The following TBC1D4 variants were observed in gnomAD, a reference collection of about 807,000 sequenced individuals.
TBC1D4 encodes TBC (Tre-2, BUB2, CDC16) domain-containing protein.
TBC1D4 carries 121 observed loss-of-function variants against 142.5 expected under a neutral mutation model. That is an observed-to-expected ratio of 0.85 (90% CI 0.73 to 0.99). TBC1D4 has a LOEUF of 0.99. Among genes scored for constraint, TBC1D4 ranks in the 50% least tolerant of loss-of-function variants. TBC1D4 has a pLI of 0.00. For synonymous variants in TBC1D4, 630 were observed against 628.2 expected (o/e 1.00, Z -0.04); for missense variants, 1,475 against 1,606.6 (o/e 0.92, Z 1.40).
At chr13:75,418,032 A>C (rs2138107060) in intron 1 of TBC1D4, among the ~76,000 whole-genome samples, 1 of 152,362 alleles carries the variant, frequency 6.6e-6, no homozygotes, top group African/African-American at 2.4e-5. Context: ...TGGATATGCT[A>C]ACTATACTTG....
chr13:75,358,008 T>TC (rs1197725652), intron 3 of TBC1D4, among the ~76,000 whole-genome samples: 1 of 151,776 alleles, frequency 6.6e-6, no homozygotes, highest in Non-Finnish European at 1.5e-5. Flanking sequence ...TCTATTTTTT[T>TC]TTCTTTTAGC....
intron 2 of TBC1D4, among the ~76,000 whole-genome samples, chr13:75,360,272 GA>G (rs1231266357): frequency 6.6e-6 from 1 of 152,030 alleles, no homozygotes; most frequent in Non-Finnish European, 1.5e-5. Context: ...TAAAATCTTT[GA>G]AAATAACCCA....
intron 1 of TBC1D4, among the ~76,000 whole-genome samples, chr13:75,408,220 T>C (rs568822787): frequency 1.3e-5 from 2 of 152,376 alleles, no homozygotes; most frequent in African/African-American, 4.8e-5. Context: ...TGTGGTCTTC[T>C]GTGACTGGCC....
intron 1 of TBC1D4, among the ~76,000 whole-genome samples, chr13:75,409,846 G>C (rs1885531504): frequency 6.6e-6 from 1 of 152,252 alleles, no homozygotes. Context: ...TCTAATCTTA[G>C]GATGTTAAGA....
intron 14 of TBC1D4, among the ~76,000 whole-genome samples, chr13:75,309,179 A>G (rs1395159995): frequency 6.6e-6 from 1 of 152,138 alleles, no homozygotes; most frequent in Non-Finnish European, 1.5e-5. Context: ...AAATAATGAA[A>G]TTTATACATT....
chr13:75,409,022 C>CAT (rs1055982085), intron 1 of TBC1D4, among the ~76,000 whole-genome samples: 5 of 128,752 alleles, frequency 3.9e-5, no homozygotes, highest in Non-Finnish European at 6.4e-5. Context: ...TGATTGTGTG[C>CAT]ATATATATAT....
chr13:75,309,405 A>G (rs1877516647), intron 14 of TBC1D4, among the ~76,000 whole-genome samples: 1 of 152,164 alleles, frequency 6.6e-6, no homozygotes, highest in Non-Finnish European at 1.5e-5. Flanking sequence ...TTTATAAAGC[A>G]TTAACAAAAA....
chr13:75,318,652 G>A (rs1481421207), intron 12 of TBC1D4, among the ~76,000 whole-genome samples: 2 of 152,096 alleles, frequency 1.3e-5, no homozygotes, highest in East Asian at 1.9e-4. Context: ...CTGCATACAT[G>A]TCTGTTATCC....
In TBC1D4 at chr13:75,310,087, C is replaced by A; in HGVS notation, c.2448G>T (p.Pro816=). Reference sequence around the variant, plus strand: ...CCTCCCCAGACAGGAATACAACCAGCGGTTCCTCCTCCATGGTTGGAGAGA... The same window carrying A: ...CCTCCCCAGACAGGAATACAACCAGAGGTTCCTCCTCCATGGTTGGAGAGA... ...SPLSPTMEEE[P]LVVFLSGEDD... is the part of the protein sequence containing the mutation. Residue 816 remains proline, a synonymous_variant, in exon 14 of 21, where the codon CCG becomes CCT. Transcript: ENST00000377636. 1 of 1,614,076 alleles carries A rather than the reference C, an allele frequency of 6.2e-7. No individual in the cohort carries two copies. Among genetic ancestry groups the A allele is most frequent in the South Asian group, 1.1e-5 (1 of 91,074 alleles).
intron 1 of TBC1D4, among the ~76,000 whole-genome samples, chr13:75,456,775 G>A (rs1005170959): frequency 6.7e-6 from 1 of 149,476 alleles, no homozygotes; most frequent in Non-Finnish European, 1.5e-5. Context: ...CAAAGACCTA[G>A]CAATTCCTCT....
At chr13:75,354,099 C>G (rs1881838407) in intron 4 of TBC1D4, among the ~76,000 whole-genome samples, 1 of 152,214 alleles carries the variant, frequency 6.6e-6, no homozygotes, top group South Asian at 2.1e-4. Flanking sequence ...TCTTTGTGGT[C>G]TGACCCAGAG....
At chr13:75,447,526 G>GTGTGTGTC (rs1887340945) in intron 1 of TBC1D4, among the ~76,000 whole-genome samples, 1 of 151,530 alleles carries the variant, frequency 6.6e-6, no homozygotes, top group Non-Finnish European at 1.5e-5. Context: ...GTGTGTGTGT[G>GTGTGTGTC]TGTGTGTGTA....
At chr13:75,370,480 C>T (rs1594528) in intron 1 of TBC1D4, among the ~76,000 whole-genome samples, 114,146 of 152,040 alleles carry the variant, frequency 0.75, 42,921 homozygotes, top group South Asian at 0.86. Context: ...CACACAGAAG[C>T]GACAGCAAGG....
chr13:75,307,840 A>T (rs1419917048), intron 14 of TBC1D4, among the ~76,000 whole-genome samples: 2 of 152,148 alleles, frequency 1.3e-5, no homozygotes, highest in Non-Finnish European at 2.9e-5. Flanking sequence ...CTGTTTGGCT[A>T]TTTGCTTTAT....
intron 1 of TBC1D4, among the ~76,000 whole-genome samples, chr13:75,425,930 T>C (rs1484103004): frequency 2.0e-5 from 3 of 152,180 alleles, no homozygotes; most frequent in East Asian, 3.9e-4. Flanking sequence ...ATATATTATA[T>C]ACTCGAAGTC....
At chr13:75,326,972 C>T (rs1186887387) in intron 9 of TBC1D4, among the ~76,000 whole-genome samples, 2 of 152,246 alleles carry the variant, frequency 1.3e-5, no homozygotes, top group African/African-American at 2.4e-5. Flanking sequence ...CTTCCCTCAC[C>T]GTGGATGTTT....
At chr13:75,295,156 T>C in intron 17 of TBC1D4, 143 bp from the exon 18 acceptor site, 1 of 826,530 alleles carries the variant, frequency 1.2e-6, no homozygotes, top group Non-Finnish European at 1.8e-6. Context: ...ATTTTAAAGT[T>C]GATACTAAAA....
intron 1 of TBC1D4, among the ~76,000 whole-genome samples, chr13:75,473,016 G>A (rs1476659167): frequency 6.6e-6 from 1 of 152,070 alleles, no homozygotes; most frequent in Non-Finnish European, 1.5e-5. Flanking sequence ...TATTTATTTG[G>A]AGACAGAGTA....
chr13:75,397,071 G>A (rs1566458584), intron 1 of TBC1D4, among the ~76,000 whole-genome samples: 2 of 151,992 alleles, frequency 1.3e-5, no homozygotes, highest in Non-Finnish European at 2.9e-5. Context: ...TCTAGGAAAT[G>A]AATGGATTTC....
Sources: allele counts gnomAD v4.1 joint callset (sites outside exome capture counted in the v4.1 genomes callset), GRCh38; gene constraint gnomAD v4.1.1; transcripts MANE v1.5; gene names NCBI Gene and HGNC (gene_info 2026-07-23, HGNC 2026-07-21).